The following MINK1 variants were observed in gnomAD, a reference collection of about 807,000 sequenced individuals.
MINK1 encodes the protein misshapen-like kinase 1.
In MINK1, 46 loss-of-function variants were observed where a neutral mutation model predicts 178.4. The ratio of observed to expected loss-of-function variants is 0.26; its 90% CI spans 0.20 to 0.33. The LOEUF (loss-of-function observed/expected upper bound fraction) is 0.33, where lower values mean the gene tolerates loss of function less well. Ranked by LOEUF, MINK1 falls within the 10% of genes least tolerant of loss-of-function variation. The pLI, the probability that MINK1 is intolerant of heterozygous loss-of-function variation, is 1.00. For synonymous variants in MINK1, 797 were observed against 709.7 expected, an observed-to-expected ratio of 1.12 and a Z score of -1.96; for missense variants, 1,366 against 1,814.9, an observed-to-expected ratio of 0.75 and a Z score of 4.49.
intron 1 of MINK1, chr17:4,875,271 C>T (rs1967081959): frequency 6.2e-6 from 3 of 487,008 alleles, no homozygotes; most frequent in Non-Finnish European, 1.2e-5. Flanking sequence ...ACTGCAGTGA[C>T]AACACCTCTC....
intron 1 of MINK1, chr17:4,860,681 C>T: frequency 1.9e-6 from 1 of 518,748 alleles, no homozygotes; most frequent in East Asian, 5.5e-5. Context: ...CCAGGGAGTC[C>T]CTTGAGGCTG....
rs528369921 is a variant in MINK1, at chr17:4,860,826, G to A, written c.58-17491G>A. ...CCTTAACTGTACAGCACCAGTGCGC[G>A]CCACGTGCTGGGGAGATGCCGAAGC... On this transcript the variant is annotated intron_variant, in intron 1 of 31. Coordinates refer to ENST00000355280, the MANE Select transcript of MINK1 (RefSeq NM_153827.5). 15 of 518,536 alleles carry A rather than the reference G, an allele frequency of 2.9e-5. No homozygotes were observed. The East Asian group carries it at 7.1e-4, about 25-fold the overall frequency. 32.1% of individuals were successfully genotyped at this position (518,536 alleles called of 1,614,324 possible).
rs773195480 is a variant in MINK1, at chr17:4,896,406, C to G, written c.3616-23C>G. The G allele has an allele frequency of 3.7e-6, 6 of 1,612,750 alleles. No individual in the cohort carries two copies. Among genetic ancestry groups the G allele is most frequent in the Non-Finnish European group, 5.1e-6 (6 of 1,179,174 alleles). The stretch of plus-strand genomic sequence containing the variant: ...AGTCTGGGCACCAGACACGGAGACT[C>G]TAGTCCCCCTCCTTCTCCCCAGATC... On this transcript the variant is annotated intron_variant, in intron 29 of 31. Transcript: ENST00000355280. The surrounding 1 kb of genome is among the most constrained non-coding windows in gnomAD (Gnocchi z 4.6).
intron 1 of MINK1, among the ~76,000 whole-genome samples, chr17:4,856,398 A>G (rs1597421573): frequency 6.7e-6 from 1 of 149,634 alleles, no homozygotes; most frequent in Non-Finnish European, 1.5e-5. Context: ...CAGCTCACAC[A>G]CCCACTCCCG....
intron 1 of MINK1, among the ~76,000 whole-genome samples, chr17:4,869,821 G>GTTTATTTATTTATTTA (rs58447598): frequency 2.9e-4 from 40 of 139,292 alleles, no homozygotes; most frequent in African/African-American, 8.2e-4. Flanking sequence ...TATTTTATTT[G>GTTTATTTATTTATTTA]TTTATTTATT....
At chr17:4,878,405 A>G in intron 2 of MINK1, 23 bp downstream of exon 2, 1 of 1,531,500 alleles carries the variant, frequency 6.5e-7, no homozygotes, top group Non-Finnish European at 8.8e-7. Context: ...GTGTGGAAGT[A>G]TGACCTCCAC....
At chr17:4,862,392 C>T (rs1000286439) in intron 1 of MINK1, among the ~76,000 whole-genome samples, 10 of 152,138 alleles carry the variant, frequency 6.6e-5, no homozygotes, top group South Asian at 2.1e-4. Flanking sequence ...CGGTGGCTCA[C>T]GCCTGTAATC....
At chr17:4,857,171 G>T in intron 1 of MINK1, 2 of 300,944 alleles carry the variant, frequency 6.6e-6, no homozygotes, top group Admixed American at 4.4e-5. Flanking sequence ...CCGCCACTAG[G>T]CCATAGATGG....
At position 4,887,569 on chromosome 17, in the gene MINK1, C is replaced by T; in HGVS notation, c.1020-11C>T. 6.7e-7 allele frequency: 1 copy of T among 1,502,244 alleles called. No individual in the cohort carries two copies. The highest frequency in any genetic ancestry group is 8.9e-7 in the Non-Finnish European group (1 of 1,125,952). The allele number at this position is 1,502,244 out of a possible 1,614,324, so 93.1% of individuals were successfully genotyped here. A position where few individuals can be genotyped will look rare whatever the true frequency, so the allele number is the denominator to read the frequency against. ...CTGACCCCAGTGCTTCTTTGTGCCA[C>T]CCCTGCCCAGCTCCATCATGAACGT... is the stretch of plus-strand genomic sequence containing the variant. On this transcript the variant is annotated splice_polypyrimidine_tract_variant and intron_variant, in intron 11 of 31. Transcript: ENST00000355280. The surrounding 1 kb of genome is among the most constrained non-coding windows in gnomAD (Gnocchi z 7.6).
At chr17:4,842,733 A>G (rs1910442432) in intron 1 of MINK1, among the ~76,000 whole-genome samples, 1 of 152,206 alleles carries the variant, frequency 6.6e-6, no homozygotes, top group African/African-American at 2.4e-5. Flanking sequence ...CCCAAAGCCT[A>G]AGCAGCGTGA....
At chr17:4,865,714 T>C (rs140664904) in intron 1 of MINK1, among the ~76,000 whole-genome samples, 30 of 88,608 alleles carry the variant, frequency 3.4e-4, no homozygotes, top group Non-Finnish European at 2.8e-4. Flanking sequence ...GAGACCCGTC[T>C]CTACCAAAAA....
intron 1 of MINK1, among the ~76,000 whole-genome samples, chr17:4,873,146 C>T (rs1966877659): frequency 6.6e-6 from 1 of 152,256 alleles, no homozygotes; most frequent in Admixed American, 6.5e-5. Flanking sequence ...CTTCTGGCGT[C>T]TGTTCTGCTG....
intron 1 of MINK1, among the ~76,000 whole-genome samples, chr17:4,857,614 G>GC (rs1567573220): frequency 6.6e-6 from 1 of 151,676 alleles, no homozygotes; most frequent in Non-Finnish European, 1.5e-5. Flanking sequence ...CTATAGGCAC[G>GC]CACCACCATG....
At position 4,885,273 on chromosome 17, in the gene MINK1, G is replaced by C. The variant is rs777573940; in HGVS notation, c.509-210G>C. ...GGCCCTCCTGCCTGGGATGCTGTCC[G>C]TGATCCTTTTACCTGGGTTTTTCTC... is the stretch of plus-strand genomic sequence containing the variant. On this transcript the variant is annotated intron_variant, in intron 6 of 31. Coordinates refer to ENST00000355280, the MANE Select transcript of MINK1 (RefSeq NM_153827.5). This position sits in a 1 kb window ranked among gnomAD's most constrained non-coding sequence, Gnocchi z 5.0. 6.6e-6 allele frequency among the ~76,000 whole-genome samples: 1 copy of C among 152,142 alleles called. No homozygotes were observed. Among genetic ancestry groups the C allele is most frequent in the Non-Finnish European group, 1.5e-5 (1 of 68,034 alleles).
rs772359823 is a variant in MINK1 at position 4,895,854 on chromosome 17, G to A, written c.3364+22G>A. On this transcript the variant is annotated intron_variant, in intron 27 of 31. Transcript: ENST00000355280. This position sits in a 1 kb window ranked among gnomAD's most constrained non-coding sequence, Gnocchi z 4.3. ...GTTGGTGAGGATGTCCCAACAGAGT[G>A]GCCAGCGCATACTTGTTCATGAAGA... 12 of 1,611,342 alleles carry A rather than the reference G, an allele frequency of 7.4e-6. No individual in the cohort carries two copies. The South Asian group carries it at 1.3e-4, about 18-fold the overall frequency.
In MINK1 at chr17:4,887,030, T is replaced by A; in HGVS notation, c.950-80T>A. The A allele has an allele frequency of 4.8e-6, 7 of 1,449,042 alleles. No individual in the cohort carries two copies. The highest frequency in any genetic ancestry group is 6.6e-6 in the Non-Finnish European group (7 of 1,058,874). 89.8% of individuals were successfully genotyped at this position (1,449,042 alleles called of 1,614,324 possible). Reference sequence around the variant, plus strand: ...TGCTTGCCCAGCCAGAGAGACCTGGTTATCCCCACCCAAGGTTTCCCTAGC... The same window carrying A: ...TGCTTGCCCAGCCAGAGAGACCTGGATATCCCCACCCAAGGTTTCCCTAGC... On this transcript the variant is annotated intron_variant, in intron 10 of 31. Coordinates refer to ENST00000355280, the MANE Select transcript of MINK1 (RefSeq NM_153827.5). This position sits in a 1 kb window ranked among gnomAD's most constrained non-coding sequence, Gnocchi z 7.6.
intron 18 of MINK1, 72 bp downstream of exon 18, chr17:4,892,584 C>G: frequency 1.3e-6 from 2 of 1,543,378 alleles, no homozygotes; most frequent in Non-Finnish European, 1.8e-6. Flanking sequence ...ATGGCTCCCT[C>G]TGCAGTGCAG....
chr17:4,895,159 A>C lies in MINK1; in HGVS notation c.3002A>C (p.Asn1001Thr), dbSNP rs1390988183. ...KGSVVNVNPT[N>T]TRAHSETPEI... The stretch of plus-strand genomic sequence containing the variant: ...TCTGTGGTCAACGTGAATCCCACCA[A>C]CACCCGGGCCCACAGTGAGACCCCT... Residue 1001 changes from asparagine (N) to threonine (T), a missense_variant, in exon 25 of 32, where the codon AAC becomes ACC. By Grantham distance (65) the Asn-to-Thr change is moderately conservative. This residue lies in a region of MINK1 where 42 missense variants were observed against 64.0 expected (regional missense o/e 0.66). Transcript: ENST00000355280. This position sits in a 1 kb window ranked among gnomAD's most constrained non-coding sequence, Gnocchi z 4.3. 5.6e-6 allele frequency: 9 copies of C among 1,613,752 alleles called. No homozygotes were observed. The highest frequency in any genetic ancestry group is 2.2e-5 in the East Asian group (1 of 44,878).
intron 1 of MINK1, among the ~76,000 whole-genome samples, chr17:4,859,554 G>A (rs985824832): frequency 6.6e-6 from 1 of 152,044 alleles, no homozygotes; most frequent in African/African-American, 2.4e-5. Context: ...TTGGGAGGCT[G>A]AGGCGGATGG....
Sources: gnomAD v4.1 joint callset for allele counts (sites outside exome capture counted in the v4.1 genomes callset) on GRCh38, gnomAD v4.1.1 for gene constraint, gnomAD v4.1.1 regional missense constraint, Gnocchi (gnomAD v3.1) non-coding constraint, MANE v1.5 for transcripts, NCBI Gene and HGNC (gene_info 2026-07-23, HGNC 2026-07-21) for gene names.